The following C4orf51 variants were observed in gnomAD, a reference collection of about 807,000 sequenced individuals.
The protein encoded by C4orf51 is chromosome 4 open reading frame 51, also known as uncharacterized protein C4orf51.
C4orf51 carries 25 observed loss-of-function variants against 25.2 expected under a neutral mutation model. The observed-to-expected ratio is 0.99, with a 90% CI of 0.72 to 1.39. C4orf51 has a LOEUF of 1.39. Ranked by LOEUF, C4orf51 falls within the 40% of genes most tolerant of loss-of-function variation. The pLI is 0.00. For synonymous variants in C4orf51, 100 were observed against 84.5 expected (o/e 1.18, Z -1.01); for missense variants, 252 against 239.6 (o/e 1.05, Z -0.34).
At chr4:145,735,730 C>T (rs906263552), downstream of C4orf51, among the ~76,000 whole-genome samples, 5 of 152,126 alleles carry the variant, frequency 3.3e-5, no homozygotes, top group Admixed American at 1.3e-4. Flanking sequence ...TTTTCCTTTC[C>T]ATGGAATACC....
At chr4:145,758,954 AG>A (rs1447483721), downstream of C4orf51, 7 of 152,268 alleles carry the variant, frequency 4.6e-5, no homozygotes, top group African/African-American at 1.7e-4. Context: ...GGCTTCCTGT[AG>A]AACTGTACTA....
intron 2 of C4orf51, among the ~76,000 whole-genome samples, chr4:145,706,978 A>G (rs1182264777): frequency 6.6e-6 from 1 of 151,950 alleles, no homozygotes; most frequent in Non-Finnish European, 1.5e-5. Context: ...CGCCCGGCTA[A>G]TTTATTTTTG....
chr4:145,697,056 A>G (rs988830405), intron 2 of C4orf51, among the ~76,000 whole-genome samples: 4 of 151,068 alleles, frequency 2.6e-5, no homozygotes, highest in Admixed American at 2.0e-4. Context: ...AAAACCAACC[A>G]ACCAACCAAA....
intron 2 of C4orf51, among the ~76,000 whole-genome samples, chr4:145,714,701 CA>C (rs1297387114): frequency 6.6e-6 from 1 of 152,154 alleles, no homozygotes; most frequent in East Asian, 1.9e-4. Flanking sequence ...TAGGTGGTGA[CA>C]TGTTTCCTTG....
intron 1 of C4orf51, among the ~76,000 whole-genome samples, chr4:145,770,054 T>G (rs1307988465): frequency 6.6e-6 from 1 of 152,176 alleles, no homozygotes; most frequent in Non-Finnish European, 1.5e-5. Context: ...TCCCAGCACT[T>G]TGGGAGGCTG....
rs1734781695 is a variant in C4orf51, at chr4:145,763,115, G to C, written n.167-7873G>C. ...CTAGAGGAGTCTGAAACTCACCACT[G>C]TCCTGAGCTACGGCAAAAGAAAAAT... On this transcript the variant is annotated intron_variant and non_coding_transcript_variant, in intron 1 of 1. Coordinates refer to the C4orf51 transcript ENST00000510096. This position sits in a 1 kb window ranked among gnomAD's most constrained non-coding sequence, Gnocchi z 4.6. 6.5e-7 allele frequency: 1 copy of C among 1,535,976 alleles called. No homozygotes were observed. The highest frequency in any genetic ancestry group is 1.2e-5 in the South Asian group (1 of 84,062).
chr4:145,715,206 G>A (rs1354990443), intron 2 of C4orf51, among the ~76,000 whole-genome samples: 1 of 152,226 alleles, frequency 6.6e-6, no homozygotes, highest in Non-Finnish European at 1.5e-5. Context: ...CAGCTCATGG[G>A]TGGGTTTCTG....
the C4orf51 span, among the ~76,000 whole-genome samples, chr4:145,781,112 C>A: frequency 1.5e-5 from 2 of 132,112 alleles, no homozygotes; most frequent in Non-Finnish European, 3.1e-5. Flanking sequence ...AGAAGAATGG[C>A]GTGAACCCGG....
chr4:145,734,320 A>T (rs770334391), downstream of C4orf51, among the ~76,000 whole-genome samples: 11 of 144,394 alleles, frequency 7.6e-5, no homozygotes, highest in Admixed American at 2.8e-4. Context: ...TTCATCCGAG[A>T]TGTATATCCA....
intron 2 of C4orf51, among the ~76,000 whole-genome samples, chr4:145,698,492 C>G (rs1020326246): frequency 2.0e-5 from 3 of 152,236 alleles, no homozygotes; most frequent in African/African-American, 4.8e-5. Context: ...ATCTAAAGAC[C>G]TGGAGTAGAA....
chr4:145,711,592 C>T (rs1400922178), intron 2 of C4orf51, among the ~76,000 whole-genome samples: 1 of 151,402 alleles, frequency 6.6e-6, no homozygotes, highest in East Asian at 1.9e-4. Flanking sequence ...ATAGCCTTTC[C>T]TCATTTCTTT....
chr4:145,779,652 C>G, the C4orf51 span: 3 of 1,205,346 alleles, frequency 2.5e-6, no homozygotes, highest in Non-Finnish European at 3.4e-6. Context: ...AACTGGTTTT[C>G]CTGCTCATTT....
chr4:145,740,495 G>A (rs1161598707), intron 1 of C4orf51, among the ~76,000 whole-genome samples: 1 of 152,068 alleles, frequency 6.6e-6, no homozygotes, highest in Non-Finnish European at 1.5e-5. Context: ...ATACCCTTCT[G>A]AAATTCAGTG....
At chr4:145,728,742 T>G (rs966975520) in intron 3 of C4orf51, among the ~76,000 whole-genome samples, 6 of 152,222 alleles carry the variant, frequency 3.9e-5, no homozygotes, top group African/African-American at 1.4e-4. Context: ...CAAACACTGA[T>G]TCATGAATAA....
chr4:145,769,332 T>TA (rs1735896487), intron 1 of C4orf51, among the ~76,000 whole-genome samples: 2 of 152,200 alleles, frequency 1.3e-5, no homozygotes, highest in South Asian at 4.1e-4. Context: ...CCAGCTTAGT[T>TA]ACATTTTCTA....
chr4:145,724,325 C>T (rs1731919321), intron 2 of C4orf51, among the ~76,000 whole-genome samples: 2 of 151,918 alleles, frequency 1.3e-5, no homozygotes, highest in Admixed American at 6.6e-5. Context: ...TTTACTGTGG[C>T]TATGAAAAAG....
chr4:145,748,643 C>T (rs774408854), intron 1 of C4orf51, among the ~76,000 whole-genome samples: 3 of 152,056 alleles, frequency 2.0e-5, no homozygotes, highest in Non-Finnish European at 2.9e-5. Flanking sequence ...GACGCACCGA[C>T]CATTCAGAAA....
chr4:145,682,438 T>G (rs1312976785), intron 1 of C4orf51, among the ~76,000 whole-genome samples: 1 of 152,224 alleles, frequency 6.6e-6, no homozygotes, highest in Non-Finnish European at 1.5e-5. Flanking sequence ...TAAAATTCCA[T>G]AAGGCTATAG....
chr4:145,747,859 C>T (rs76367310), intron 1 of C4orf51, among the ~76,000 whole-genome samples: 12,131 of 151,336 alleles, frequency 0.08, 549 homozygotes, highest in Middle Eastern at 0.12. Context: ...GCCTTTGTCT[C>T]GTTTTGGTAT....
Sources: allele counts gnomAD v4.1 joint callset (sites outside exome capture counted in the v4.1 genomes callset), GRCh38; gene constraint gnomAD v4.1.1; non-coding constraint Gnocchi (gnomAD v3.1); transcripts MANE v1.5; gene names NCBI Gene and HGNC (gene_info 2026-07-23, HGNC 2026-07-21).